The following SHQ1 variants were observed in gnomAD, a reference collection of about 807,000 sequenced individuals.
SHQ1 encodes protein SHQ1 homolog.
SHQ1 carries 49 observed loss-of-function variants against 53.8 expected under a neutral mutation model. The observed-to-expected ratio is 0.91, with a 90% confidence interval of 0.72 to 1.16. SHQ1 has a LOEUF of 1.16. Ranked by LOEUF, SHQ1 falls within the 50% of genes most tolerant of loss-of-function variation. The pLI, the probability that SHQ1 is intolerant of heterozygous loss-of-function variation, is 0.00. For missense variants in SHQ1, 738 were observed against 683.1 expected, an observed-to-expected ratio of 1.08 and a Z score of -0.90; for synonymous variants, 243 against 251.0, an observed-to-expected ratio of 0.97 and a Z score of 0.30.
At chr3:72,797,915 A>G (rs1418433357) in intron 9 of SHQ1, among the ~76,000 whole-genome samples, 3 of 151,640 alleles carry the variant, frequency 2.0e-5, no homozygotes, top group African/African-American at 7.3e-5. Flanking sequence ...TCTCTTTTGT[A>G]CTGACTGCTC....
At chr3:72,825,108 T>A (rs1707608674) in intron 5 of SHQ1, among the ~76,000 whole-genome samples, 1 of 152,004 alleles carries the variant, frequency 6.6e-6, no homozygotes, top group African/African-American at 2.4e-5. Flanking sequence ...CAACCTCTGA[T>A]CTCTTTAAAT....
intron 9 of SHQ1, among the ~76,000 whole-genome samples, chr3:72,803,669 G>A (rs571378894): frequency 3.3e-5 from 5 of 152,144 alleles, no homozygotes; most frequent in Non-Finnish European, 7.3e-5. Context: ...TGGCTTTGCA[G>A]GACAATCTCT....
intron 1 of SHQ1, 38 bp downstream of exon 1, chr3:72,848,160 G>T: frequency 6.2e-7 from 1 of 1,612,920 alleles, no homozygotes; most frequent in South Asian, 1.1e-5. Context: ...GCTATCTAAC[G>T]AATGCGCCTT....
chr3:72,801,637 G>A (rs1706792628), intron 9 of SHQ1, among the ~76,000 whole-genome samples: 1 of 152,124 alleles, frequency 6.6e-6, no homozygotes, highest in Non-Finnish European at 1.5e-5. Context: ...AAACCATTTT[G>A]AAACCCTCAC....
At chr3:72,768,360 A>T (rs1705776759) in intron 10 of SHQ1, among the ~76,000 whole-genome samples, 1 of 152,232 alleles carries the variant, frequency 6.6e-6, no homozygotes, top group African/African-American at 2.4e-5. Flanking sequence ...AGCCTGAGGA[A>T]TACCAAGTGC....
At chr3:72,842,471 G>A (rs1708204214) in intron 2 of SHQ1, 69 bp from the exon 3 acceptor site, 3 of 1,442,654 alleles carry the variant, frequency 2.1e-6, no homozygotes, top group Non-Finnish European at 2.9e-6. Flanking sequence ...GCTTACACCA[G>A]TAATCCCAAT....
At chr3:72,765,557 A>ATATTTTT (rs1491527508) in intron 10 of SHQ1, among the ~76,000 whole-genome samples, 51 of 57,180 alleles carry the variant, frequency 8.9e-4, no homozygotes, top group African/African-American at 3.1e-3. Context: ...ATATATATAT[A>ATATTTTT]TTTTTTTTTT....
chr3:72,727,251 C>T, the SHQ1 span, among the ~76,000 whole-genome samples: 10 of 152,136 alleles, frequency 6.6e-5, no homozygotes, highest in African/African-American at 2.2e-4. Flanking sequence ...AGTTTCCACC[C>T]GTCACCCCCA....
chr3:72,746,421 A>C (rs983900495), downstream of SHQ1, among the ~76,000 whole-genome samples: 16 of 152,216 alleles, frequency 1.1e-4, no homozygotes, highest in African/African-American at 3.6e-4. Flanking sequence ...AATGAAAGGC[A>C]GCACCTCTGG....
chr3:72,784,515 T>C (rs1706168157), intron 10 of SHQ1, among the ~76,000 whole-genome samples: 1 of 152,210 alleles, frequency 6.6e-6, no homozygotes, highest in Non-Finnish European at 1.5e-5. Context: ...AAAACCCACT[T>C]CCATCCAGGA....
chr3:72,844,384 C>T lies in SHQ1; in HGVS notation c.183G>A (p.Glu61=). 6.2e-7 allele frequency: 1 copy of T among 1,613,828 alleles called. No individual in the cohort carries two copies. Among genetic ancestry groups the T allele is most frequent in the Non-Finnish European group, 8.5e-7 (1 of 1,179,832 alleles). ...LPGRIVENGS[E]QGSYDADKGI... ...CTTTATCTGCATCATAGGACCCTTG[C>T]TCACTTCCATTTTCTACAATTCTTC... The change falls in exon 2 of 11, where the codon GAG becomes GAA. Residue 61 remains glutamate, a synonymous_variant. Coordinates refer to ENST00000325599, the MANE Select transcript of SHQ1 (RefSeq NM_018130.3).
At chr3:72,725,615 C>G in the SHQ1 span, among the ~76,000 whole-genome samples, 1 of 152,156 alleles carries the variant, frequency 6.6e-6, no homozygotes, top group African/African-American at 2.4e-5. Flanking sequence ...TTACCTATGC[C>G]AGGTGTACAC....
chr3:72,792,811 A>AC (rs1559674471), intron 10 of SHQ1, 105 bp downstream of exon 10: 170 of 710,056 alleles, frequency 2.4e-4, no homozygotes, highest in South Asian at 1.2e-3. Flanking sequence ...AAAAAAAAAA[A>AC]CACAACTTAC....
intron 10 of SHQ1, among the ~76,000 whole-genome samples, chr3:72,782,303 CTA>C (rs775776683): frequency 6.6e-6 from 1 of 152,144 alleles, no homozygotes; most frequent in Non-Finnish European, 1.5e-5. Flanking sequence ...CTGCTAATAT[CTA>C]TGTTTTCTTA....
intron 10 of SHQ1, chr3:72,773,352 G>A: frequency 3.7e-6 from 2 of 547,878 alleles, no homozygotes; most frequent in East Asian, 4.4e-5. Flanking sequence ...CTCCAACAAG[G>A]AAGGAAAGGA....
chr3:72,750,910 CA>C (rs999034628), intron 10 of SHQ1, 74 bp from the exon 11 acceptor site: 5 of 1,276,566 alleles, frequency 3.9e-6, no homozygotes, highest in African/African-American at 1.5e-5. Flanking sequence ...ATACAGCTTC[CA>C]AAAAAATAAA....
intron 5 of SHQ1, among the ~76,000 whole-genome samples, chr3:72,826,193 T>C (rs1707650681): frequency 1.3e-5 from 2 of 152,238 alleles, no homozygotes; most frequent in Admixed American, 6.5e-5. Flanking sequence ...ACAGCTAATA[T>C]CTTGAAATAG....
intron 6 of SHQ1, among the ~76,000 whole-genome samples, chr3:72,823,006 A>G (rs1382915888): frequency 6.6e-6 from 1 of 152,000 alleles, no homozygotes; most frequent in Non-Finnish European, 1.5e-5. Flanking sequence ...AAAATTAGCC[A>G]GGCGCGGTGG....
intron 10 of SHQ1, among the ~76,000 whole-genome samples, chr3:72,781,568 A>G (rs1026472547): frequency 2.0e-5 from 3 of 152,174 alleles, no homozygotes; most frequent in Admixed American, 6.5e-5. Context: ...ACATAAAATT[A>G]CAGAGCAGAA....
Sources: allele counts gnomAD v4.1 joint callset (sites outside exome capture counted in the v4.1 genomes callset), GRCh38; gene constraint gnomAD v4.1.1; transcripts MANE v1.5; gene names NCBI Gene and HGNC (gene_info 2026-07-23, HGNC 2026-07-21).